CCDC138: variants seen among roughly 807,000 people sequenced by gnomAD.
CCDC138 encodes coiled-coil domain containing 138, also known as coiled-coil domain-containing protein 138.
In CCDC138, 66 loss-of-function variants were observed where a neutral mutation model predicts 82.3. The ratio of observed to expected loss-of-function variants is 0.80; its 90% CI spans 0.66 to 0.98. The LOEUF is 0.98. Ranked by LOEUF, CCDC138 falls within the 50% of genes least tolerant of loss-of-function variation. The pLI is 0.00. For synonymous variants in CCDC138, 297 were observed against 265.4 expected, an observed-to-expected ratio of 1.12 and a Z score of -1.16; for missense variants, 816 against 758.9, an observed-to-expected ratio of 1.08 and a Z score of -0.88.
At chr2:108,830,120 A>G (rs1201198873) in intron 10 of CCDC138, among the ~76,000 whole-genome samples, 1 of 152,200 alleles carries the variant, frequency 6.6e-6, no homozygotes, top group Non-Finnish European at 1.5e-5. Context: ...GCATGAATGA[A>G]CCCTGAAGCT....
In CCDC138 at chr2:108,867,327, A is replaced by G. The variant is rs996931171; in HGVS notation, c.1694-6124A>G. Among the ~76,000 whole-genome samples the G allele has an allele frequency of 4.6e-5, 7 of 152,230 alleles. No individual in the cohort carries two copies. The South Asian group carries it at 1.2e-3, about 27-fold the overall frequency. ...TTCCAGAGTGGGAATTACTGGCAGC[A>G]CTAATGTGTCTTTAGGAATTGAAAA... On this transcript the variant is annotated intron_variant, in intron 13 of 14. Coordinates refer to ENST00000295124, the MANE Select transcript of CCDC138 (RefSeq NM_144978.3).
intron 10 of CCDC138, among the ~76,000 whole-genome samples, chr2:108,821,615 A>G (rs1387959505): frequency 6.6e-5 from 10 of 152,148 alleles, no homozygotes; most frequent in Non-Finnish European, 1.3e-4. Context: ...AAAAAGCTAC[A>G]AAACATACAG....
downstream of CCDC138, among the ~76,000 whole-genome samples, chr2:108,879,722 A>T (rs1696236569): frequency 6.6e-6 from 1 of 152,124 alleles, no homozygotes; most frequent in African/African-American, 2.4e-5. Flanking sequence ...GGGGTTAGGG[A>T]GATCTGAGTG....
chr2:108,857,877 A>G (rs1393453113), intron 13 of CCDC138, among the ~76,000 whole-genome samples: 2 of 152,264 alleles, frequency 1.3e-5, no homozygotes, highest in African/African-American at 2.4e-5. Flanking sequence ...ATCTTTCTGA[A>G]TATGACAGAG....
intron 10 of CCDC138, among the ~76,000 whole-genome samples, chr2:108,831,160 T>C (rs1687526999): frequency 6.6e-6 from 1 of 151,728 alleles, no homozygotes; most frequent in Non-Finnish European, 1.5e-5. Context: ...GCCTGAGTTA[T>C]AGAGCGGGAC....
intron 11 of CCDC138, among the ~76,000 whole-genome samples, chr2:108,839,514 A>G (rs1689108531): frequency 6.6e-6 from 1 of 152,152 alleles, no homozygotes; most frequent in South Asian, 2.1e-4. Context: ...CTTACAATTT[A>G]TGAACATAAA....
chr2:108,813,250 A>G, intron 9 of CCDC138, among the ~76,000 whole-genome samples: 1 of 147,032 alleles, frequency 6.8e-6, no homozygotes, highest in South Asian at 2.1e-4. Context: ...CTCCGTCTCA[A>G]AAAAAAAAAA....
At chr2:108,854,003 TATATATAATATATAATAAATTTATA>T (rs1692129432) in intron 12 of CCDC138, among the ~76,000 whole-genome samples, 1 of 5,912 alleles carries the variant, frequency 1.7e-4, no homozygotes, top group African/African-American at 2.9e-4. Flanking sequence ...AAATTTATAT[TATATATAATATATAATAAATTTATA>T]TTATATATAA....
Position 108,856,777 on chromosome 2 carries a change from A to T in CCDC138, c.1517-17A>T. The T allele has an allele frequency of 1.2e-6, 2 of 1,609,614 alleles. No individual in the cohort carries two copies. Among genetic ancestry groups the T allele is most frequent in the Non-Finnish European group, 1.7e-6 (2 of 1,178,466 alleles). On this transcript the variant is annotated splice_polypyrimidine_tract_variant and intron_variant, in intron 12 of 14. Transcript: ENST00000295124. The stretch of plus-strand genomic sequence containing the variant: ...GACTAGCAAAACTGCAGTTGATTGT[A>T]CATAACTATTTTCCAGCTGATTACC...
chr2:108,793,614 T>G (rs2149462542), intron 4 of CCDC138, among the ~76,000 whole-genome samples: 1 of 151,884 alleles, frequency 6.6e-6, no homozygotes, highest in East Asian at 2.0e-4. Context: ...GTTTTTTTTT[T>G]GAGATGGAGT....
intron 10 of CCDC138, among the ~76,000 whole-genome samples, chr2:108,836,299 T>C (rs1688572633): frequency 6.6e-6 from 1 of 152,208 alleles, no homozygotes; most frequent in Admixed American, 6.5e-5. Flanking sequence ...TAGCATAATA[T>C]CCATAAGGTT....
chr2:108,853,607 A>G (rs962324586), intron 12 of CCDC138, among the ~76,000 whole-genome samples: 16 of 150,646 alleles, frequency 1.1e-4, no homozygotes, highest in African/African-American at 3.9e-4. Flanking sequence ...ACTTACCACA[A>G]CCTTGAACTC....
At chr2:108,839,660 C>A (rs1283302385) in intron 11 of CCDC138, among the ~76,000 whole-genome samples, 1 of 151,976 alleles carries the variant, frequency 6.6e-6, no homozygotes, top group African/African-American at 2.4e-5. Context: ...TGTCTTTTTA[C>A]TGTTGATGTT....
At chr2:108,802,843 T>C (rs1383609743) in intron 6 of CCDC138, among the ~76,000 whole-genome samples, 3 of 152,056 alleles carry the variant, frequency 2.0e-5, no homozygotes, top group African/African-American at 7.2e-5. Context: ...GCATGAAGGG[T>C]TGTTGAATTT....
chr2:108,789,881 A>G (rs1452606957), intron 3 of CCDC138, among the ~76,000 whole-genome samples: 1 of 152,224 alleles, frequency 6.6e-6, no homozygotes, highest in African/African-American at 2.4e-5. Context: ...TTTAATGCTA[A>G]AAATATGTGG....
chr2:108,846,885 T>C lies in CCDC138; in HGVS notation c.1471T>C (p.Leu491=), dbSNP rs769263906. 7.4e-6 allele frequency: 12 copies of C among 1,613,324 alleles called. No individual in the cohort carries two copies. Among genetic ancestry groups the C allele is most frequent in the Non-Finnish European group, 1.0e-5 (12 of 1,179,594 alleles). The change falls in exon 12 of 15, where the codon TTG becomes CTG. Residue 491 remains leucine, a synonymous_variant. Coordinates refer to ENST00000295124, the MANE Select transcript of CCDC138 (RefSeq NM_144978.3). Reference sequence around the variant, plus strand: ...TTTCTTTAAGAGCTCCAATTTGCCATTGAGATTTTTATCAACCTTAATTGT... The same window carrying C: ...TTTCTTTAAGAGCTCCAATTTGCCACTGAGATTTTTATCAACCTTAATTGT... ...AAFFKSSNLP[L]RFLSTLIVLK...
At chr2:108,856,154 A>T (rs1273860870) in intron 12 of CCDC138, among the ~76,000 whole-genome samples, 2 of 151,950 alleles carry the variant, frequency 1.3e-5, no homozygotes, top group Non-Finnish European at 2.9e-5. Flanking sequence ...CAGGTTTCTC[A>T]GTCATCTGTG....
At chr2:108,869,685 CAAGAAAAA>C (rs1165071983) in intron 13 of CCDC138, among the ~76,000 whole-genome samples, 1 of 151,760 alleles carries the variant, frequency 6.6e-6, no homozygotes, top group Non-Finnish European at 1.5e-5. Flanking sequence ...CCAGAGGAAA[CAAGAAAAA>C]AAGAAAAAAA....
intron 11 of CCDC138, among the ~76,000 whole-genome samples, chr2:108,844,867 C>G (rs1480469873): frequency 6.6e-6 from 1 of 151,958 alleles, no homozygotes; most frequent in African/African-American, 2.4e-5. Flanking sequence ...CCTGCCTCAC[C>G]CTCCTGAATA....
Sources: allele counts gnomAD v4.1 joint callset (sites outside exome capture counted in the v4.1 genomes callset), GRCh38; gene constraint gnomAD v4.1.1; transcripts MANE v1.5; gene names NCBI Gene and HGNC (gene_info 2026-07-23, HGNC 2026-07-21).